PARD3B: variants seen among roughly 807,000 people sequenced by gnomAD.
PARD3B encodes the protein par-3 family cell polarity regulator beta, also known as partitioning defective 3 homolog B.
A neutral mutation model predicts 130.2 loss-of-function variants in PARD3B; 103 were observed. That is an observed-to-expected ratio of 0.79 (90% CI 0.67 to 0.93). PARD3B has a LOEUF of 0.93. Among genes scored for constraint, PARD3B ranks in the 40% least tolerant of loss-of-function variants. The pLI is 0.00. For missense variants in PARD3B, 1,609 were observed against 1,499.2 expected (o/e 1.07, Z -1.21); for synonymous variants, 583 against 553.2 (o/e 1.05, Z -0.76).
Position 205,301,928 on chromosome 2 carries a change from C to A in PARD3B, c.2630+227C>A. The stretch of plus-strand genomic sequence containing the variant: ...CTTAAGTTTGTTGTCAAAGAAAGGT[C>A]AACACTATGCCAGGCACGGTGGCTC... On this transcript the variant is annotated intron_variant, in intron 18 of 22. Transcript: ENST00000406610. The surrounding 1 kb of genome is among the most constrained non-coding windows in gnomAD (Gnocchi z 5.2). 2.7e-6 allele frequency: 2 copies of A among 734,258 alleles called. No homozygotes were observed. The highest frequency in any genetic ancestry group is 4.9e-6 in the Non-Finnish European group (2 of 410,400). 45.5% of individuals were successfully genotyped at this position (734,258 alleles called of 1,614,324 possible).
intron 2 of PARD3B, among the ~76,000 whole-genome samples, chr2:204,756,036 A>C (rs572337285): frequency 3.2e-4 from 48 of 152,250 alleles, no homozygotes; most frequent in Admixed American, 5.9e-4. Context: ...TTTCCTAATC[A>C]ATAGTATACG....
At chr2:204,875,583 A>C (rs2125656791) in intron 2 of PARD3B, among the ~76,000 whole-genome samples, 1 of 152,300 alleles carries the variant, frequency 6.6e-6, no homozygotes, top group African/African-American at 2.4e-5. Flanking sequence ...CACTTTGAGC[A>C]GTGTGGTAAG....
At chr2:205,147,936 T>C (rs1017966229) in intron 10 of PARD3B, among the ~76,000 whole-genome samples, 1 of 152,128 alleles carries the variant, frequency 6.6e-6, no homozygotes, top group Non-Finnish European at 1.5e-5. Flanking sequence ...TAGAGTACAA[T>C]TCAGATGTGT....
rs548457189 is a variant in PARD3B, at chr2:204,997,460, A to T, written c.394+32137A>T. Among the ~76,000 whole-genome samples the T allele has an allele frequency of 3.9e-5, 6 of 152,254 alleles. No homozygotes were observed. The South Asian group carries it at 1.2e-3, about 32-fold the overall frequency. Reference sequence around the variant, plus strand: ...GATGATCTCTTCATAAAGTTTTTGTACCTATTTGGATCTATTCCTAAGTAC... The same window carrying T: ...GATGATCTCTTCATAAAGTTTTTGTTCCTATTTGGATCTATTCCTAAGTAC... On this transcript the variant is annotated intron_variant, in intron 3 of 22. Transcript: ENST00000406610.
chr2:205,103,845 G>A (rs1350388818), intron 4 of PARD3B: 3 of 595,220 alleles, frequency 5.0e-6, no homozygotes, highest in Non-Finnish European at 6.3e-6. Context: ...TGTAGTGGGA[G>A]CCTGTTTACA....
At chr2:205,140,493 T>G (rs1260862602) in intron 10 of PARD3B, among the ~76,000 whole-genome samples, 2 of 151,084 alleles carry the variant, frequency 1.3e-5, no homozygotes. Flanking sequence ...TTCCTTTTTT[T>G]TTTTTTTTTT....
At chr2:204,632,563 G>A (rs1161943216) in intron 1 of PARD3B, among the ~76,000 whole-genome samples, 1 of 152,158 alleles carries the variant, frequency 6.6e-6, no homozygotes, top group Non-Finnish European at 1.5e-5. Flanking sequence ...GTTTGCCAGA[G>A]GGTCTGCTCC....
At chr2:205,527,368 T>C (rs1486807590) in intron 21 of PARD3B, among the ~76,000 whole-genome samples, 1 of 152,190 alleles carries the variant, frequency 6.6e-6, no homozygotes, top group Admixed American at 6.5e-5. Flanking sequence ...TAAGGATTTT[T>C]TATAAAAATT....
chr2:205,471,735 G>A (rs893979670), intron 20 of PARD3B, among the ~76,000 whole-genome samples: 2 of 152,148 alleles, frequency 1.3e-5, no homozygotes, highest in African/African-American at 4.8e-5. Flanking sequence ...CCATTAATTG[G>A]TCAGAACTGT....
intron 16 of PARD3B, among the ~76,000 whole-genome samples, chr2:205,259,820 G>A (rs1315130337): frequency 6.6e-6 from 1 of 152,084 alleles, no homozygotes; most frequent in Non-Finnish European, 1.5e-5. Context: ...GACCAGAAAT[G>A]CTTCGGATTT....
chr2:204,821,452 A>C (rs1353841320), intron 2 of PARD3B, among the ~76,000 whole-genome samples: 40 of 151,276 alleles, frequency 2.6e-4, no homozygotes, highest in Admixed American at 2.6e-3. Flanking sequence ...TAGCAAGAAC[A>C]AAAAACCAAA....
chr2:205,203,506 A>C, intron 15 of PARD3B, among the ~76,000 whole-genome samples: 1 of 151,474 alleles, frequency 6.6e-6, no homozygotes, highest in East Asian at 1.9e-4. Context: ...GAGAACATGC[A>C]GGTTTGTTAA....
intron 3 of PARD3B, among the ~76,000 whole-genome samples, chr2:204,974,478 A>G (rs1218768133): frequency 6.6e-6 from 1 of 152,170 alleles, no homozygotes; most frequent in Non-Finnish European, 1.5e-5. Flanking sequence ...AGTTGTTTTT[A>G]TATTTTTTTA....
chr2:205,476,376 G>A (rs150911167), intron 20 of PARD3B, among the ~76,000 whole-genome samples: 32 of 152,002 alleles, frequency 2.1e-4, no homozygotes, highest in African/African-American at 6.0e-4. Flanking sequence ...AAGAATCACC[G>A]GTGAAAAGCC....
Position 205,053,120 on chromosome 2 carries a change from G to A in PARD3B, c.504+5430G>A, listed in dbSNP as rs112061573. ...AGTCTTGCTAAGATAATATGATGAC[G>A]TGTTGATTTGAGGAATTTCCCCTCA... On this transcript the variant is annotated intron_variant, in intron 4 of 22. Transcript: ENST00000406610. 1.8e-3 allele frequency among the ~76,000 whole-genome samples: 268 copies of A among 152,068 alleles called. 1 individual carries two copies. Among genetic ancestry groups the A allele is most frequent in the African/African-American group, 6.0e-3 (248 of 41,494 alleles).
At chr2:204,965,392 TTTC>T in intron 3 of PARD3B, 69 bp downstream of exon 3, 3 of 1,467,224 alleles carry the variant, frequency 2.0e-6, no homozygotes, top group South Asian at 1.2e-5. Context: ...TTAGGCATTG[TTTC>T]TTCTTTGTGA....
At chr2:204,838,118 CTT>C (rs1389965677) in intron 2 of PARD3B, among the ~76,000 whole-genome samples, 1 of 152,098 alleles carries the variant, frequency 6.6e-6, no homozygotes, top group Non-Finnish European at 1.5e-5. Context: ...TAAAAACTGA[CTT>C]TGTGCTGAGC....
intron 4 of PARD3B, among the ~76,000 whole-genome samples, chr2:205,099,851 T>C (rs538441076): frequency 3.2e-4 from 48 of 152,316 alleles, no homozygotes; most frequent in Non-Finnish European, 5.3e-4. Flanking sequence ...CTACCCTTTT[T>C]TGATAGCTTC....
Position 204,604,413 on chromosome 2 carries a change from T to G in PARD3B, c.120+58294T>G, listed in dbSNP as rs147262502. Among the ~76,000 whole-genome samples the G allele has an allele frequency of 1.6e-3, 242 of 152,340 alleles. 2 individuals carry two copies. Among genetic ancestry groups the G allele is most frequent in the African/African-American group, 5.7e-3 (236 of 41,586 alleles). On this transcript the variant is annotated intron_variant, in intron 1 of 22. Coordinates refer to ENST00000406610, the MANE Select transcript of PARD3B (RefSeq NM_001302769.2). The stretch of plus-strand genomic sequence containing the variant: ...TGTCCTGGCATAAAAGCTAAGCTTT[T>G]AAAAATTTATGTTTCCCCTTTAAAT...
Sources: gnomAD v4.1 joint callset for allele counts (sites outside exome capture counted in the v4.1 genomes callset) on GRCh38, gnomAD v4.1.1 for gene constraint, Gnocchi (gnomAD v3.1) non-coding constraint, MANE v1.5 for transcripts, NCBI Gene and HGNC (gene_info 2026-07-23, HGNC 2026-07-21) for gene names.